KCND2: variants seen among roughly 807,000 people sequenced by gnomAD.
The protein encoded by KCND2 is potassium voltage-gated channel subfamily D member 2, also known as A-type voltage-gated potassium channel KCND2.
A neutral mutation model predicts 54.4 loss-of-function variants in KCND2; 16 were observed. The ratio of observed to expected loss-of-function variants is 0.29; its 90% CI spans 0.20 to 0.45. KCND2 has a LOEUF of 0.45. Among genes scored for constraint, KCND2 ranks in the 20% least tolerant of loss-of-function variants. The pLI, the probability that KCND2 is intolerant of heterozygous loss-of-function variation, is 1.00. For missense variants in KCND2, 486 were observed against 824.2 expected, an observed-to-expected ratio of 0.59 and a Z score of 5.02; for synonymous variants, 317 against 310.7, an observed-to-expected ratio of 1.02 and a Z score of -0.21.
At chr7:120,393,286 A>G (rs1801104275) in intron 1 of KCND2, among the ~76,000 whole-genome samples, 1 of 152,032 alleles carries the variant, frequency 6.6e-6, no homozygotes, top group Non-Finnish European at 1.5e-5. Context: ...AATCGTACCA[A>G]TATGTATATT....
chr7:120,627,533 C>T (rs1028859305), intron 1 of KCND2, among the ~76,000 whole-genome samples: 2 of 152,024 alleles, frequency 1.3e-5, no homozygotes, highest in Non-Finnish European at 2.9e-5. Context: ...TTAAATGTTA[C>T]CTACTATAGT....
chr7:120,633,216 T>C (rs1468937071), intron 1 of KCND2, among the ~76,000 whole-genome samples: 2 of 152,218 alleles, frequency 1.3e-5, no homozygotes, highest in Admixed American at 1.3e-4. Context: ...TTGTAACCAA[T>C]TGCTCTTTTA....
intron 1 of KCND2, among the ~76,000 whole-genome samples, chr7:120,391,132 T>A (rs1044946726): frequency 6.6e-6 from 1 of 152,100 alleles, no homozygotes; most frequent in Non-Finnish European, 1.5e-5. Context: ...GTGCTCTCAT[T>A]GTTCAACTCC....
intron 1 of KCND2, among the ~76,000 whole-genome samples, chr7:120,547,331 T>G (rs1792052881): frequency 6.6e-6 from 1 of 151,986 alleles, no homozygotes; most frequent in Admixed American, 6.6e-5. Context: ...TTCTCCATTC[T>G]ACTCTAATGT....
At chr7:120,684,515 G>A (rs1053561017) in intron 1 of KCND2, among the ~76,000 whole-genome samples, 1 of 152,054 alleles carries the variant, frequency 6.6e-6, no homozygotes, top group African/African-American at 2.4e-5. Flanking sequence ...GCAACTTTTG[G>A]CAACACATAG....
At chr7:120,569,576 C>T (rs1792338050) in intron 1 of KCND2, among the ~76,000 whole-genome samples, 1 of 151,872 alleles carries the variant, frequency 6.6e-6, no homozygotes, top group Non-Finnish European at 1.5e-5. Context: ...CAAAGAGAAA[C>T]CATTAATTGT....
intron 1 of KCND2, among the ~76,000 whole-genome samples, chr7:120,621,913 T>C (rs528894477): frequency 2.8e-4 from 42 of 152,252 alleles, no homozygotes; most frequent in African/African-American, 8.9e-4. Flanking sequence ...AGCACCCAGG[T>C]ACCCCTGATA....
chr7:120,295,738 T>C (rs1799503739), intron 1 of KCND2, among the ~76,000 whole-genome samples: 1 of 152,058 alleles, frequency 6.6e-6, no homozygotes, highest in African/African-American at 2.4e-5. Context: ...ATCCTCTAAT[T>C]TATGCCTTAC....
At chr7:120,368,420 C>A (rs1394523456) in intron 1 of KCND2, among the ~76,000 whole-genome samples, 1 of 151,898 alleles carries the variant, frequency 6.6e-6, no homozygotes, top group Non-Finnish European at 1.5e-5. Flanking sequence ...AAATAAAAAA[C>A]TAATCCATGT....
At chr7:120,400,172 C>T (rs1801227945) in intron 1 of KCND2, among the ~76,000 whole-genome samples, 1 of 152,082 alleles carries the variant, frequency 6.6e-6, no homozygotes. Flanking sequence ...TAACATGACT[C>T]TTTTGTTTTG....
chr7:120,517,340 A>C (rs1196562273), intron 1 of KCND2, among the ~76,000 whole-genome samples: 1 of 152,136 alleles, frequency 6.6e-6, no homozygotes, highest in Non-Finnish European at 1.5e-5. Context: ...TTGTTGAGTC[A>C]GAATCTTATA....
intron 1 of KCND2, among the ~76,000 whole-genome samples, chr7:120,428,128 T>C (rs1313369864): frequency 6.6e-6 from 1 of 152,226 alleles, no homozygotes; most frequent in Admixed American, 6.5e-5. Flanking sequence ...CATATTCCAT[T>C]TGATGGAATA....
intron 1 of KCND2, among the ~76,000 whole-genome samples, chr7:120,492,341 T>C (rs531242940): frequency 6.6e-6 from 1 of 152,250 alleles, no homozygotes; most frequent in South Asian, 2.1e-4. Context: ...GTAATCTTCC[T>C]ACTGAACCAT....
At chr7:120,484,701 GCA>G (rs3067134) in intron 1 of KCND2, among the ~76,000 whole-genome samples, 2,669 of 137,256 alleles carry the variant, frequency 0.019, 42 homozygotes, top group African/African-American at 0.047. Context: ...TATATTACAC[GCA>G]CACACACACA....
intron 1 of KCND2, among the ~76,000 whole-genome samples, chr7:120,341,970 G>A (rs1800245936): frequency 6.6e-6 from 1 of 152,044 alleles, no homozygotes; most frequent in Admixed American, 6.6e-5. Flanking sequence ...AGAAGTGGCC[G>A]TGTGTCAATG....
chr7:120,289,190 G>A (rs1057280185), intron 1 of KCND2, among the ~76,000 whole-genome samples: 7 of 151,860 alleles, frequency 4.6e-5, no homozygotes, highest in African/African-American at 9.7e-5. Context: ...ACACTTATTG[G>A]GCCCCTATTC....
chr7:120,279,953 A>T (rs1348211013), intron 1 of KCND2, among the ~76,000 whole-genome samples: 1 of 151,906 alleles, frequency 6.6e-6, no homozygotes, highest in African/African-American at 2.4e-5. Flanking sequence ...TTGCAGAATC[A>T]TTTATGTAGA....
At chr7:120,720,125 T>C (rs1792648840) in intron 1 of KCND2, among the ~76,000 whole-genome samples, 1 of 152,264 alleles carries the variant, frequency 6.6e-6, no homozygotes, top group Admixed American at 6.5e-5. Flanking sequence ...TCACAGAAAC[T>C]AAAAAGCTTC....
At chr7:120,467,745 A>T (rs995164466) in intron 1 of KCND2, among the ~76,000 whole-genome samples, 1 of 152,122 alleles carries the variant, frequency 6.6e-6, no homozygotes, top group Non-Finnish European at 1.5e-5. Flanking sequence ...GTTTCATAAT[A>T]AGCTATACAC....
Sources: gnomAD v4.1 joint callset for allele counts (sites outside exome capture counted in the v4.1 genomes callset) on GRCh38, gnomAD v4.1.1 for gene constraint, MANE v1.5 for transcripts, NCBI Gene and HGNC (gene_info 2026-07-23, HGNC 2026-07-21) for gene names.